The following JAKMIP3 variants were observed in gnomAD, a reference collection of about 807,000 sequenced individuals.
JAKMIP3 encodes the protein Janus kinase and microtubule interacting protein 3.
Under a neutral mutation model 118.5 loss-of-function variants are expected in JAKMIP3, and 58 were observed. The observed-to-expected ratio is 0.49, with a 90% CI of 0.40 to 0.61. The LOEUF (loss-of-function observed/expected upper bound fraction) is 0.61, where lower values mean the gene tolerates loss of function less well. Ranked by LOEUF, JAKMIP3 falls within the 20% of genes least tolerant of loss-of-function variation. JAKMIP3 has a pLI of 0.00. For missense variants in JAKMIP3, 950 were observed against 1,109.0 expected, an observed-to-expected ratio of 0.86 and a Z score of 2.04; for synonymous variants, 486 against 451.2, an observed-to-expected ratio of 1.08 and a Z score of -0.98.
rs766272703 is a variant in JAKMIP3 at position 132,137,336 on chromosome 10, A to C, written c.1284+47A>C. The C allele has an allele frequency of 1.9e-6, 3 of 1,609,200 alleles. No homozygotes were observed. In the African/African-American group the frequency reaches 4.0e-5, roughly 22 times the overall value. On this transcript the variant is annotated intron_variant, in intron 8 of 23. Transcript: ENST00000684848. The stretch of plus-strand genomic sequence containing the variant: ...TTCCCCACGCCTCCGCTCCCCACGC[A>C]GTTGCCCGTGGGACCCATTCTGTGC...
chr10:132,154,925 GGA>G (rs2056846089), intron 19 of JAKMIP3, among the ~76,000 whole-genome samples: 2 of 10,250 alleles, frequency 2.0e-4, no homozygotes, highest in African/African-American at 3.3e-4. Flanking sequence ...GGTGGTAGTG[GGA>G]TGGTGATGAT....
intron 21 of JAKMIP3, among the ~76,000 whole-genome samples, chr10:132,166,283 G>A (rs776416680): frequency 5.9e-5 from 9 of 152,138 alleles, no homozygotes; most frequent in Non-Finnish European, 8.8e-5. Flanking sequence ...CCATGATTAC[G>A]TCACTGCACT....
Position 132,180,634 on chromosome 10 carries a change from CGTGCGT to C in JAKMIP3, c.*1104-1719_*1104-1714del, listed in dbSNP as rs1301197898. The stretch of plus-strand genomic sequence containing the variant: ...GTGTGTGCGTGTGTGTGCGTGTGTG[CGTGCGT>C]GTGTGCGTGTGCGTGTGCGTGTGTG... On this transcript the variant is annotated intron_variant, in intron 23 of 23. Coordinates refer to ENST00000684848, the MANE Select transcript of JAKMIP3 (RefSeq NM_001323087.2). 1.8e-3 allele frequency among the ~76,000 whole-genome samples: 23 copies of C among 12,822 alleles called. 6 individuals are homozygous for C. The East Asian group carries it at 0.02, about 11-fold the overall frequency. 8.4% of individuals were successfully genotyped at this position (12,822 alleles called of 152,430 possible).
At chr10:132,106,141 C>G (rs1201707383) in intron 2 of JAKMIP3, among the ~76,000 whole-genome samples, 2 of 151,480 alleles carry the variant, frequency 1.3e-5, no homozygotes, top group African/African-American at 4.9e-5. Flanking sequence ...TCGAGACCAA[C>G]CTGGGCAACA....
At chr10:132,097,946 TC>T (rs1416830561) in intron 1 of JAKMIP3, among the ~76,000 whole-genome samples, 708 of 23,926 alleles carry the variant, frequency 0.03, 84 homozygotes, top group East Asian at 0.062. Flanking sequence ...CCTTTCCCTT[TC>T]CCATCCCCTT....
At chr10:132,139,445 AGT>A (rs1272238302) in intron 9 of JAKMIP3, among the ~76,000 whole-genome samples, 1 of 98,196 alleles carries the variant, frequency 1.0e-5, no homozygotes, top group Non-Finnish European at 2.0e-5. Flanking sequence ...TGTACATGTG[AGT>A]GTATATGTGT....
At chr10:132,144,074 C>T (rs1188292189) in intron 11 of JAKMIP3, 2 of 149,366 alleles carry the variant, frequency 1.3e-5, no homozygotes, top group Admixed American at 6.6e-5. Flanking sequence ...GATCCTCTGA[C>T]CCTGCGTCCT....
chr10:132,124,629 A>G (rs376125332), intron 3 of JAKMIP3, among the ~76,000 whole-genome samples: 16 of 152,120 alleles, frequency 1.1e-4, no homozygotes, highest in African/African-American at 3.9e-4. Flanking sequence ...TGTGCTACAC[A>G]TGTCCATTGC....
intron 1 of JAKMIP3, among the ~76,000 whole-genome samples, chr10:132,077,531 G>C (rs995840555): frequency 3.3e-5 from 5 of 152,232 alleles, no homozygotes; most frequent in Non-Finnish European, 7.3e-5. Flanking sequence ...GCCCCTCGGG[G>C]GCCTGGAGCT....
At chr10:132,133,749 A>G (rs1589896638) in intron 4 of JAKMIP3, among the ~76,000 whole-genome samples, 1 of 152,192 alleles carries the variant, frequency 6.6e-6, no homozygotes, top group Admixed American at 6.5e-5. Flanking sequence ...TTCTGTCTAC[A>G]TAGCATCAGC....
At chr10:132,094,419 T>C (rs2043559654) in intron 1 of JAKMIP3, among the ~76,000 whole-genome samples, 1 of 152,140 alleles carries the variant, frequency 6.6e-6, no homozygotes, top group Admixed American at 6.5e-5. Context: ...GGCTGAGGGC[T>C]GTTGCTCAGA....
At chr10:132,087,994 G>A (rs866329886) in intron 1 of JAKMIP3, among the ~76,000 whole-genome samples, 1 of 152,072 alleles carries the variant, frequency 6.6e-6, no homozygotes, top group African/African-American at 2.4e-5. Flanking sequence ...TGCTGAGAAT[G>A]ATGGTTTCCA....
chr10:132,137,466 C>T (rs1207144597), intron 8 of JAKMIP3, among the ~76,000 whole-genome samples, 177 bp downstream of exon 8: 3 of 152,196 alleles, frequency 2.0e-5, no homozygotes, highest in Non-Finnish European at 4.4e-5. Flanking sequence ...TGGCTGACGC[C>T]CTTCAGTGTG....
At chr10:132,100,784 G>T (rs369253460) in intron 1 of JAKMIP3, among the ~76,000 whole-genome samples, 7 of 151,130 alleles carry the variant, frequency 4.6e-5, no homozygotes, top group Non-Finnish European at 8.9e-5. Context: ...CCTTTCTCTC[G>T]GCATGAGGAA....
chr10:132,123,819 C>T (rs1451397381), intron 3 of JAKMIP3, among the ~76,000 whole-genome samples: 1 of 152,218 alleles, frequency 6.6e-6, no homozygotes, highest in Non-Finnish European at 1.5e-5. Context: ...GCAGCATCGG[C>T]TTCTGGGGCC....
At chr10:132,156,689 G>A (rs1447606638) in intron 19 of JAKMIP3, among the ~76,000 whole-genome samples, 1 of 152,124 alleles carries the variant, frequency 6.6e-6, no homozygotes, top group Non-Finnish European at 1.5e-5. Flanking sequence ...GGGCAAGCAG[G>A]GACCATGTGC....
At chr10:132,146,314 TG>T (rs1164795510) in intron 13 of JAKMIP3, among the ~76,000 whole-genome samples, 1 of 152,098 alleles carries the variant, frequency 6.6e-6, no homozygotes, top group African/African-American at 2.4e-5. Context: ...CAGGCCCACC[TG>T]GCTCAGCTGC....
intron 2 of JAKMIP3, among the ~76,000 whole-genome samples, chr10:132,115,500 G>A (rs527778037): frequency 6.6e-6 from 1 of 152,300 alleles, no homozygotes; most frequent in Non-Finnish European, 1.5e-5. Flanking sequence ...GCATCATCCT[G>A]GAGTCCTCTC....
At chr10:132,155,328 A>G (rs2056962954) in intron 19 of JAKMIP3, among the ~76,000 whole-genome samples, 1 of 152,192 alleles carries the variant, frequency 6.6e-6, no homozygotes, top group African/African-American at 2.4e-5. Context: ...CCAGCCAGGC[A>G]CAGAAGCTGG....
Sources: allele counts gnomAD v4.1 joint callset (sites outside exome capture counted in the v4.1 genomes callset), GRCh38; gene constraint gnomAD v4.1.1; transcripts MANE v1.5; gene names NCBI Gene and HGNC (gene_info 2026-07-23, HGNC 2026-07-21).